Variants in REEP1 observed in about 807,000 individuals in gnomAD.
REEP1 encodes the protein receptor accessory protein 1, also known as receptor expression-enhancing protein 1.
In REEP1, 22 loss-of-function variants were observed where a neutral mutation model predicts 40.3. The observed-to-expected ratio is 0.55, with a 90% CI of 0.39 to 0.78. The LOEUF (loss-of-function observed/expected upper bound fraction) is 0.78. REEP1 is among the 30% of genes least tolerant of loss of function. REEP1 has a pLI of 0.00. For missense variants in REEP1, 280 were observed against 361.1 expected, an observed-to-expected ratio of 0.78 and a Z score of 1.82; for synonymous variants, 116 against 139.2, an observed-to-expected ratio of 0.83 and a Z score of 1.17.
intron 1 of REEP1, among the ~76,000 whole-genome samples, chr2:86,313,243 G>A (rs1226252623): frequency 6.6e-6 from 1 of 151,338 alleles, no homozygotes; most frequent in Non-Finnish European, 1.5e-5. Context: ...CCTACACCCT[G>A]AGTAGCTGGG....
At position 86,220,025 on chromosome 2, in the gene REEP1, A is replaced by G; in HGVS notation, c.728T>C (p.Leu243Pro). 1 of 1,232,222 alleles carries G rather than the reference A, an allele frequency of 8.1e-7. No homozygotes were observed. The highest frequency in any genetic ancestry group is 1.0e-6 in the Non-Finnish European group (1 of 987,998). The allele number at this position is 1,232,222 out of a possible 1,614,324, so 76.3% of individuals were successfully genotyped here. ...TTTATACTTGTACATGAAATCCAGC[A>G]GGTCTTCCTCCTCGTCGTCAGAAAA... is the stretch of plus-strand genomic sequence containing the variant. ...LAFSDDEEED[L>P]LDFMYKYKAP... The change falls in exon 8 of 9, where the codon CTG becomes CCG. Residue 243 changes from leucine to proline, a missense_variant. Coordinates refer to ENST00000538924, the MANE Select transcript of REEP1 (RefSeq NM_001371279.1).
At chr2:86,327,869 A>C (rs925944962) in intron 1 of REEP1, among the ~76,000 whole-genome samples, 2 of 151,998 alleles carry the variant, frequency 1.3e-5, no homozygotes, top group African/African-American at 4.8e-5. Context: ...GCCTGGCCCT[A>C]TCTTACATTT....
At chr2:86,252,330 C>T (rs576035544) in intron 4 of REEP1, among the ~76,000 whole-genome samples, 21 of 152,238 alleles carry the variant, frequency 1.4e-4, no homozygotes, top group African/African-American at 4.1e-4. Flanking sequence ...TCTGACCTTC[C>T]AGGAGGCTCC....
chr2:86,264,797 C>T (rs7583677), intron 2 of REEP1, among the ~76,000 whole-genome samples: 1 of 152,046 alleles, frequency 6.6e-6, no homozygotes, highest in African/African-American at 2.4e-5. Context: ...GTTTGAAGGC[C>T]CTGGAGAGCA....
intron 2 of REEP1, among the ~76,000 whole-genome samples, chr2:86,270,395 C>T (rs1303749980): frequency 6.6e-6 from 1 of 152,164 alleles, no homozygotes; most frequent in Non-Finnish European, 1.5e-5. Context: ...AGGGTTTCTC[C>T]ATGTTGGTCA....
intron 5 of REEP1, among the ~76,000 whole-genome samples, chr2:86,244,746 GA>G: frequency 6.6e-6 from 1 of 152,230 alleles, no homozygotes; most frequent in East Asian, 1.9e-4. Context: ...AGGCAAAGGA[GA>G]ACCCTGGAGG....
At chr2:86,250,895 C>T (rs1676235598) in intron 5 of REEP1, among the ~76,000 whole-genome samples, 2 of 152,212 alleles carry the variant, frequency 1.3e-5, no homozygotes, top group Non-Finnish European at 2.9e-5. Context: ...TTGAAACTGG[C>T]TCTCAGCACC....
intron 5 of REEP1, among the ~76,000 whole-genome samples, chr2:86,249,661 T>C (rs1035660958): frequency 6.6e-5 from 10 of 152,132 alleles, no homozygotes; most frequent in Non-Finnish European, 1.3e-4. Flanking sequence ...GGCTTGGGCA[T>C]GCAAGCCAGA....
chr2:86,279,284 G>A (rs994176571), intron 2 of REEP1, among the ~76,000 whole-genome samples: 11 of 152,238 alleles, frequency 7.2e-5, no homozygotes, highest in Non-Finnish European at 1.5e-4. Flanking sequence ...CTGGGAAGTA[G>A]GGAAGAGCAA....
chr2:86,250,153 T>A (rs895808687), intron 5 of REEP1, among the ~76,000 whole-genome samples: 4 of 152,158 alleles, frequency 2.6e-5, no homozygotes, highest in African/African-American at 9.7e-5. Context: ...GGAGGCTCCA[T>A]CTTGAGGCAG....
chr2:86,331,107 C>T (rs1680740517), intron 1 of REEP1, among the ~76,000 whole-genome samples: 1 of 152,192 alleles, frequency 6.6e-6, no homozygotes, highest in Admixed American at 6.5e-5. Flanking sequence ...TTTATTTTTG[C>T]TTTGTTGTAT....
chr2:86,220,080 C>T lies in REEP1; in HGVS notation c.673G>A (p.Glu225Lys). The part of the protein sequence containing the change: ...DVNEGGMKAW[E>K]PHQVQNPLAF... ...AATGGGTTTTGGACCTGGTGGGGCT[C>T]CCATGCCTTCATACCACCCTCATTC... The change falls in exon 8 of 9, where the codon GAG (glutamate) becomes AAG (lysine). Residue 225 changes from glutamate (E) to lysine (K), a missense_variant. By Grantham distance (56) the Glu-to-Lys change is moderately conservative (BLOSUM62 1). Coordinates refer to ENST00000538924, the MANE Select transcript of REEP1 (RefSeq NM_001371279.1). The T allele has an allele frequency of 8.1e-7, 1 of 1,232,150 alleles. No individual in the cohort carries two copies. Among genetic ancestry groups the T allele is most frequent in the Non-Finnish European group, 1.0e-6 (1 of 987,974 alleles). 76.3% of individuals were successfully genotyped at this position (1,232,150 alleles called of 1,614,324 possible). A position where few individuals can be genotyped will look rare whatever the true frequency, so the allele number is the denominator to read the frequency against.
intron 5 of REEP1, among the ~76,000 whole-genome samples, chr2:86,247,278 G>C (rs1055202251): frequency 6.6e-6 from 1 of 152,266 alleles, no homozygotes; most frequent in African/African-American, 2.4e-5. Context: ...AACACTTCCC[G>C]GGGATAGGGG....
At chr2:86,231,477 C>T (rs1039442831) in intron 6 of REEP1, among the ~76,000 whole-genome samples, 2 of 152,230 alleles carry the variant, frequency 1.3e-5, no homozygotes, top group African/African-American at 4.8e-5. Context: ...CAGCCGCAGG[C>T]CTCATGCCTT....
At chr2:86,322,877 T>C (rs2104519148) in intron 1 of REEP1, among the ~76,000 whole-genome samples, 1 of 152,138 alleles carries the variant, frequency 6.6e-6, no homozygotes, top group South Asian at 2.1e-4. Context: ...ACTTCCCCAC[T>C]GCACTTCAGC....
chr2:86,215,426 G>A lies in REEP1; in HGVS notation c.*1613C>T, dbSNP rs574800691. On this transcript the variant is annotated 3_prime_UTR_variant, in exon 9 of 9. Coordinates refer to ENST00000538924, the MANE Select transcript of REEP1 (RefSeq NM_001371279.1). ...GCAAAGGCCTCTAATATGTGTTTGC[G>A]TAGTAATGGAACAGTTTTTAATTGG... is the stretch of plus-strand genomic sequence containing the variant. 4.8e-4 allele frequency: 73 copies of A among 152,600 alleles called. No homozygotes were observed. Among genetic ancestry groups the A allele is most frequent in the Non-Finnish European group, 6.9e-4 (47 of 68,022 alleles). The allele number at this position is 152,600 out of a possible 1,614,324, so 9.5% of individuals were successfully genotyped here.
At chr2:86,331,116 A>C (rs1680741362) in intron 1 of REEP1, among the ~76,000 whole-genome samples, 1 of 152,106 alleles carries the variant, frequency 6.6e-6, no homozygotes, top group Non-Finnish European at 1.5e-5. Context: ...GCTTTGTTGT[A>C]TTCTTCACTT....
intron 7 of REEP1, among the ~76,000 whole-genome samples, chr2:86,225,349 G>A (rs537814520): frequency 6.6e-6 from 1 of 152,142 alleles, no homozygotes; most frequent in Non-Finnish European, 1.5e-5. Context: ...TCGGCTCACC[G>A]CAACCTCTGC....
intron 8 of REEP1, among the ~76,000 whole-genome samples, chr2:86,217,684 T>TC (rs1553456159): frequency 4.7e-5 from 6 of 127,866 alleles, no homozygotes; most frequent in Non-Finnish European, 8.5e-5. Flanking sequence ...TTTTTTTTTT[T>TC]CAGATTTTGG....
Sources: gnomAD v4.1 joint callset for allele counts (sites outside exome capture counted in the v4.1 genomes callset) on GRCh38, gnomAD v4.1.1 for gene constraint, MANE v1.5 for transcripts, NCBI Gene and HGNC (gene_info 2026-07-23, HGNC 2026-07-21) for gene names.